XKR9: variants seen among roughly 807,000 people sequenced by gnomAD.
XKR9 encodes XK related 9, also known as XK-related protein 9.
A neutral mutation model predicts 32.0 loss-of-function variants in XKR9; 32 were observed. The ratio of observed to expected loss-of-function variants is 1.00; its 90% CI spans 0.76 to 1.34. The LOEUF is 1.34. Among genes scored for constraint, XKR9 ranks in the 40% most tolerant of loss-of-function variants. XKR9 has a pLI of 0.00. For synonymous variants in XKR9, 168 were observed against 143.4 expected (o/e 1.17, Z -1.22); for missense variants, 546 against 429.7 (o/e 1.27, Z -2.39).
chr8:70,707,566 G>A (rs1302036206), intron 4 of XKR9, among the ~76,000 whole-genome samples: 4 of 151,648 alleles, frequency 2.6e-5, no homozygotes, highest in African/African-American at 9.7e-5. Context: ...TTATGAATGT[G>A]CCATAATTTA....
intron 3 of XKR9, among the ~76,000 whole-genome samples, chr8:70,692,330 G>T (rs1805103588): frequency 6.6e-6 from 1 of 151,938 alleles, no homozygotes; most frequent in Admixed American, 6.6e-5. Context: ...AGACACTGGG[G>T]TTTTCTAGAT....
chr8:70,906,450 T>A, the XKR9 span, among the ~76,000 whole-genome samples: 6 of 152,350 alleles, frequency 3.9e-5, no homozygotes, highest in East Asian at 1.2e-3. Context: ...AGAAAAATAT[T>A]GTAACACATT....
chr8:70,844,359 G>A, the XKR9 span, among the ~76,000 whole-genome samples: 3 of 152,096 alleles, frequency 2.0e-5, no homozygotes, highest in African/African-American at 4.8e-5. Context: ...TACTGCCACC[G>A]CTGAAGGCCA....
rs1472488520 is a variant in XKR9 at position 70,735,779 on chromosome 8, C to G, written c.*1355C>G. 6.6e-6 allele frequency: 1 copy of G among 151,892 alleles called. No individual in the cohort carries two copies. Among genetic ancestry groups the G allele is most frequent in the Non-Finnish European group, 1.5e-5 (1 of 67,998 alleles). The allele number at this position is 151,892 out of a possible 1,614,324, so 9.4% of individuals were successfully genotyped here. The stretch of plus-strand genomic sequence containing the variant: ...ATTTCCAGCTTCATCCATGTCCCTA[C>G]AAAGGACATGAACTCATCATTTTTT... On this transcript the variant is annotated 3_prime_UTR_variant, in exon 5 of 5. Transcript: ENST00000408926.
intron 2 of XKR9, among the ~76,000 whole-genome samples, chr8:70,775,370 A>G (rs573580889): frequency 6.6e-6 from 1 of 152,280 alleles, no homozygotes; most frequent in East Asian, 1.9e-4. Context: ...CAGAAGTTAC[A>G]GCAGATATCT....
At chr8:71,039,568 G>C in the XKR9 span, among the ~76,000 whole-genome samples, 4 of 152,136 alleles carry the variant, frequency 2.6e-5, no homozygotes, top group Admixed American at 6.5e-5. Flanking sequence ...CTACAAGGGT[G>C]ATTAGACACA....
chr8:70,950,870 C>T, the XKR9 span, among the ~76,000 whole-genome samples: 1 of 152,052 alleles, frequency 6.6e-6, no homozygotes, highest in Non-Finnish European at 1.5e-5. Context: ...GATGGAGTTT[C>T]ACCATGTTGG....
chr8:70,711,714 C>T (rs1435857003), intron 4 of XKR9, among the ~76,000 whole-genome samples: 1 of 83,494 alleles, frequency 1.2e-5, no homozygotes, highest in East Asian at 2.4e-4. Flanking sequence ...ATTTGTATAC[C>T]TAACCCCAGT....
the XKR9 span, among the ~76,000 whole-genome samples, chr8:71,045,334 CTCAG>C: frequency 2.0e-5 from 3 of 152,070 alleles, no homozygotes; most frequent in Non-Finnish European, 2.9e-5. Context: ...GTGAGTCATC[CTCAG>C]GCAGTTATCC....
the XKR9 span, among the ~76,000 whole-genome samples, chr8:71,007,129 C>T: frequency 6.6e-6 from 1 of 152,156 alleles, no homozygotes; most frequent in Admixed American, 6.5e-5. Flanking sequence ...GCGATTATAC[C>T]TGCCATAGTT....
the XKR9 span, among the ~76,000 whole-genome samples, chr8:70,977,128 C>T: frequency 6.6e-6 from 1 of 151,982 alleles, no homozygotes; most frequent in East Asian, 1.9e-4. Flanking sequence ...GTTAGTCTTG[C>T]TAGCAGTCTA....
the XKR9 span, among the ~76,000 whole-genome samples, chr8:70,947,232 T>C: frequency 6.6e-6 from 1 of 152,226 alleles, no homozygotes; most frequent in African/African-American, 2.4e-5. Flanking sequence ...ACAGTAAGGA[T>C]TGCTAATAAG....
the XKR9 span, among the ~76,000 whole-genome samples, chr8:70,805,376 A>C: frequency 1.3e-5 from 2 of 152,232 alleles, no homozygotes; most frequent in African/African-American, 4.8e-5. Flanking sequence ...GAATCTGCTT[A>C]GCCTACCGAG....
At chr8:70,887,146 G>A in the XKR9 span, among the ~76,000 whole-genome samples, 2 of 152,114 alleles carry the variant, frequency 1.3e-5, no homozygotes, top group African/African-American at 4.8e-5. Flanking sequence ...CATATGGCTA[G>A]CCAGTTTTCT....
At chr8:70,867,327 C>G in the XKR9 span, among the ~76,000 whole-genome samples, 111 of 152,278 alleles carry the variant, frequency 7.3e-4, no homozygotes, top group African/African-American at 2.5e-3. Flanking sequence ...TACGGGAATT[C>G]AAGATGAGAT....
At chr8:70,683,687 C>T (rs1563420034) in intron 3 of XKR9, 2 of 357,652 alleles carry the variant, frequency 5.6e-6, no homozygotes, top group East Asian at 8.9e-5. Context: ...GGGGTTTAGT[C>T]ATGTTGGCCA....
At chr8:70,945,939 A>T in the XKR9 span, among the ~76,000 whole-genome samples, 2 of 152,160 alleles carry the variant, frequency 1.3e-5, no homozygotes, top group East Asian at 3.9e-4. Flanking sequence ...GATAGAGACC[A>T]TCGTGGCCAA....
chr8:70,759,923 G>C (rs1170338305), intron 2 of XKR9, among the ~76,000 whole-genome samples: 1 of 152,184 alleles, frequency 6.6e-6, no homozygotes, highest in African/African-American at 2.4e-5. Flanking sequence ...TGAAGACATT[G>C]TTCTAGAGGG....
At chr8:70,826,007 G>A in the XKR9 span, among the ~76,000 whole-genome samples, 1 of 151,968 alleles carries the variant, frequency 6.6e-6, no homozygotes, top group Non-Finnish European at 1.5e-5. Flanking sequence ...TTAAATAAGG[G>A]TATATGGAAT....
Sources: allele counts gnomAD v4.1 joint callset (sites outside exome capture counted in the v4.1 genomes callset), GRCh38; gene constraint gnomAD v4.1.1; transcripts MANE v1.5; gene names NCBI Gene and HGNC (gene_info 2026-07-23, HGNC 2026-07-21).